Variants in ANKS1B observed in about 807,000 individuals in gnomAD.
The protein encoded by ANKS1B is ankyrin repeat and sterile alpha motif domain containing 1B.
In ANKS1B, 36 loss-of-function variants were observed where a neutral mutation model predicts 148.3. The ratio of observed to expected loss-of-function variants is 0.24; its 90% CI spans 0.19 to 0.32. The LOEUF (loss-of-function observed/expected upper bound fraction) is 0.32, where lower values mean the gene tolerates loss of function less well. Ranked by LOEUF, ANKS1B falls within the 10% of genes least tolerant of loss-of-function variation. The pLI is 1.00. For synonymous variants in ANKS1B, 542 were observed against 560.8 expected (o/e 0.97, Z 0.47); for missense variants, 1,157 against 1,542.6 (o/e 0.75, Z 4.19).
intron 10 of ANKS1B, among the ~76,000 whole-genome samples, chr12:99,470,007 T>C (rs2096212058): frequency 6.6e-6 from 1 of 151,852 alleles, no homozygotes; most frequent in South Asian, 2.1e-4. Flanking sequence ...CAGTCCCAAC[T>C]TCTCAGGAGA....
At chr12:98,980,141 T>TA (rs2099907078) in intron 17 of ANKS1B, among the ~76,000 whole-genome samples, 1 of 152,206 alleles carries the variant, frequency 6.6e-6, no homozygotes, top group South Asian at 2.1e-4. Context: ...CTTTAAAAAA[T>TA]ATCCTCAATT....
chr12:99,883,489 A>G (rs1165926554), intron 1 of ANKS1B, among the ~76,000 whole-genome samples: 1 of 152,246 alleles, frequency 6.6e-6, no homozygotes, highest in East Asian at 1.9e-4. Context: ...ACATTAGTTT[A>G]GGAAATGATA....
intron 10 of ANKS1B, among the ~76,000 whole-genome samples, chr12:99,468,426 A>G (rs192678082): frequency 3.4e-4 from 52 of 152,362 alleles, no homozygotes; most frequent in Middle Eastern, 3.4e-3. Context: ...AACGAAAGCC[A>G]AAATTGACAA....
chr12:99,171,105 T>TAG (rs1472582189), intron 14 of ANKS1B, among the ~76,000 whole-genome samples: 1 of 152,192 alleles, frequency 6.6e-6, no homozygotes, highest in African/African-American at 2.4e-5. Flanking sequence ...GATACAGGTA[T>TAG]AGGAGCTAGG....
At chr12:99,743,117 C>G (rs1182833548) in intron 8 of ANKS1B, among the ~76,000 whole-genome samples, 6 of 152,256 alleles carry the variant, frequency 3.9e-5, no homozygotes, top group African/African-American at 1.4e-4. Flanking sequence ...CACATAGTAT[C>G]TGATTTAAGT....
At chr12:99,089,942 T>C (rs540959667) in intron 15 of ANKS1B, among the ~76,000 whole-genome samples, 3 of 152,346 alleles carry the variant, frequency 2.0e-5, no homozygotes, top group South Asian at 4.1e-4. Context: ...AAATGCAGTA[T>C]TTTTAGAATA....
chr12:99,699,958 G>T (rs919435221), intron 8 of ANKS1B, among the ~76,000 whole-genome samples: 1 of 152,032 alleles, frequency 6.6e-6, no homozygotes, highest in African/African-American at 2.4e-5. Context: ...AAAGTAAAAG[G>T]TTTTCCTTTC....
chr12:99,440,268 A>T (rs1454123346), intron 11 of ANKS1B, among the ~76,000 whole-genome samples: 1 of 151,852 alleles, frequency 6.6e-6, no homozygotes, highest in Non-Finnish European at 1.5e-5. Context: ...TATACTTAAG[A>T]TCTGTGTATT....
At chr12:99,889,514 A>G (rs1017936828) in intron 1 of ANKS1B, among the ~76,000 whole-genome samples, 8 of 152,324 alleles carry the variant, frequency 5.3e-5, no homozygotes, top group African/African-American at 1.9e-4. Flanking sequence ...TCAATCACCC[A>G]TCATTTTTCT....
At chr12:98,966,509 G>A (rs552912748) in intron 17 of ANKS1B, among the ~76,000 whole-genome samples, 73 of 152,230 alleles carry the variant, frequency 4.8e-4, no homozygotes, top group Admixed American at 8.5e-4. Flanking sequence ...CAAGGATCTA[G>A]AACTAGAAAT....
intron 14 of ANKS1B, among the ~76,000 whole-genome samples, chr12:99,236,844 C>T (rs761990814): frequency 1.2e-4 from 18 of 152,134 alleles, no homozygotes; most frequent in Admixed American, 9.8e-4. Flanking sequence ...CAAACTAACA[C>T]AGGAACAGAA....
chr12:99,381,182 A>T (rs1396183338), intron 12 of ANKS1B, among the ~76,000 whole-genome samples: 2 of 152,210 alleles, frequency 1.3e-5, no homozygotes, highest in East Asian at 3.9e-4. Context: ...GTGAGAGAAT[A>T]AATTTCTGTT....
At chr12:99,137,196 T>C (rs1480432422) in intron 15 of ANKS1B, among the ~76,000 whole-genome samples, 1 of 152,230 alleles carries the variant, frequency 6.6e-6, no homozygotes, top group East Asian at 1.9e-4. Flanking sequence ...GTGCACTGTT[T>C]TCTCTGTGCT....
At chr12:99,667,372 A>G (rs1433583765) in intron 8 of ANKS1B, among the ~76,000 whole-genome samples, 1 of 151,952 alleles carries the variant, frequency 6.6e-6, no homozygotes, top group Non-Finnish European at 1.5e-5. Context: ...AGAAAAGAAA[A>G]GAAAAGAAAA....
intron 9 of ANKS1B, among the ~76,000 whole-genome samples, chr12:99,541,845 C>G (rs553231033): frequency 7.3e-6 from 1 of 137,856 alleles, no homozygotes; most frequent in African/African-American, 2.6e-5. Flanking sequence ...CAGAGCGAGA[C>G]TCCGTCTAAA....
intron 12 of ANKS1B, among the ~76,000 whole-genome samples, chr12:99,325,672 G>A (rs150307754): frequency 5.3e-4 from 81 of 152,176 alleles, no homozygotes; most frequent in African/African-American, 1.6e-3. Flanking sequence ...GCAGACAAAC[G>A]GAAATTTTCA....
chr12:99,567,817 T>C (rs146317819), intron 9 of ANKS1B, among the ~76,000 whole-genome samples: 13 of 152,278 alleles, frequency 8.5e-5, no homozygotes, highest in African/African-American at 3.1e-4. Context: ...TACCACACTT[T>C]ACGTAACCAA....
intron 1 of ANKS1B, among the ~76,000 whole-genome samples, chr12:99,962,769 TG>T (rs1190517568): frequency 2.6e-5 from 4 of 151,918 alleles, no homozygotes; most frequent in African/African-American, 9.7e-5. Context: ...TATTTCATTG[TG>T]GTTTTGATTT....
At chr12:98,908,323 A>G (rs897632179) in intron 17 of ANKS1B, among the ~76,000 whole-genome samples, 2 of 152,222 alleles carry the variant, frequency 1.3e-5, no homozygotes, top group Admixed American at 1.3e-4. Flanking sequence ...GAATGTTGCT[A>G]CTGTTATGTC....
Sources: gnomAD v4.1 joint callset for allele counts (sites outside exome capture counted in the v4.1 genomes callset) on GRCh38, gnomAD v4.1.1 for gene constraint, MANE v1.5 for transcripts, NCBI Gene and HGNC (gene_info 2026-07-23, HGNC 2026-07-21) for gene names.